The following GABRB1 variants were observed in gnomAD, a reference collection of about 807,000 sequenced individuals.
The protein encoded by GABRB1 is gamma-aminobutyric acid type A receptor subunit beta1, also known as gamma-aminobutyric acid receptor subunit beta-1.
A neutral mutation model predicts 51.6 loss-of-function variants in GABRB1; 17 were observed. The observed-to-expected ratio is 0.33, with a 90% confidence interval of 0.23 to 0.49. GABRB1 has a LOEUF of 0.49. GABRB1 is among the 20% of genes least tolerant of loss of function. GABRB1 has a pLI of 0.99. For synonymous variants in GABRB1, 247 were observed against 218.9 expected (o/e 1.13, Z -1.14); for missense variants, 410 against 600.6 (o/e 0.68, Z 3.32).
chr4:47,339,813 A>G (rs926324425), intron 5 of GABRB1, among the ~76,000 whole-genome samples: 4 of 136,046 alleles, frequency 2.9e-5, no homozygotes, highest in Non-Finnish European at 4.7e-5. Context: ...TAGAGCAAAA[A>G]TAAATAAATG....
rs118060990 is a variant in GABRB1, at chr4:47,395,298, G to A, written c.545-8020G>A. On this transcript the variant is annotated intron_variant, in intron 5 of 8. Coordinates refer to ENST00000295454, the MANE Select transcript of GABRB1 (RefSeq NM_000812.4). ...CTTACAATCATGGCAGAAGGTGAAG[G>A]GGTAGCAAGCATGTCTTACCATGGT... Among the ~76,000 whole-genome samples, 34 of 152,280 alleles carry A rather than the reference G, an allele frequency of 2.2e-4. No homozygotes were observed. The East Asian group carries it at 5.8e-3, about 26-fold the overall frequency.
intron 4 of GABRB1, among the ~76,000 whole-genome samples, chr4:47,164,079 C>A (rs1229884242): frequency 1.3e-5 from 2 of 151,918 alleles, no homozygotes; most frequent in African/African-American, 4.8e-5. Flanking sequence ...AAAAACAGGT[C>A]TCATGAGAAT....
chr4:47,208,926 T>C (rs1355744456), intron 4 of GABRB1, among the ~76,000 whole-genome samples: 1 of 152,126 alleles, frequency 6.6e-6, no homozygotes, highest in Non-Finnish European at 1.5e-5. Flanking sequence ...TAGCTTTTGG[T>C]ACTATCCGTG....
chr4:47,412,712 GCT>G (rs1468941703), intron 8 of GABRB1, among the ~76,000 whole-genome samples: 3 of 152,154 alleles, frequency 2.0e-5, no homozygotes, highest in Non-Finnish European at 4.4e-5. Context: ...AAAGAGAAAT[GCT>G]CTCTCCTGCA....
At position 47,406,971 on chromosome 4, in the gene GABRB1, A is replaced by G. The variant is rs780497165; in HGVS notation, c.1080+45A>G. The stretch of plus-strand genomic sequence containing the variant: ...TAACAATATTCTTGTTAAATTTATC[A>G]GCATCATGATGCCTCGGGCTCTCAT... On this transcript the variant is annotated intron_variant, in intron 8 of 8. Coordinates refer to ENST00000295454, the MANE Select transcript of GABRB1 (RefSeq NM_000812.4). 1.0e-5 allele frequency: 16 copies of G among 1,579,108 alleles called. No homozygotes were observed. The East Asian group carries it at 2.5e-4, about 24-fold the overall frequency.
chr4:47,294,025 C>A (rs983833465), intron 4 of GABRB1, among the ~76,000 whole-genome samples: 1 of 152,130 alleles, frequency 6.6e-6, no homozygotes, highest in Non-Finnish European at 1.5e-5. Context: ...AACCCCTCCA[C>A]AGCATAAAAA....
chr4:47,391,034 G>T (rs1341689311), intron 5 of GABRB1, among the ~76,000 whole-genome samples: 1 of 152,050 alleles, frequency 6.6e-6, no homozygotes, highest in Non-Finnish European at 1.5e-5. Context: ...AAATTAGCAG[G>T]GTGTGGTGGC....
intron 3 of GABRB1, among the ~76,000 whole-genome samples, chr4:47,116,996 G>A (rs1302609048): frequency 1.3e-5 from 2 of 152,042 alleles, no homozygotes; most frequent in Admixed American, 6.5e-5. Context: ...CAGCAAGCGG[G>A]GAAGTCCACC....
chr4:47,111,636 G>A (rs1715214337), intron 3 of GABRB1, among the ~76,000 whole-genome samples: 1 of 152,076 alleles, frequency 6.6e-6, no homozygotes, highest in Non-Finnish European at 1.5e-5. Flanking sequence ...GGCTGAGGCA[G>A]GCAGATCACT....
intron 4 of GABRB1, among the ~76,000 whole-genome samples, chr4:47,277,434 G>T (rs1723126428): frequency 6.6e-6 from 1 of 151,696 alleles, no homozygotes; most frequent in Admixed American, 6.6e-5. Context: ...GAATGAATAA[G>T]ACCTACTATT....
chr4:47,221,671 A>G (rs917286380), intron 4 of GABRB1, among the ~76,000 whole-genome samples: 2 of 151,974 alleles, frequency 1.3e-5, no homozygotes, highest in Admixed American at 1.3e-4. Flanking sequence ...TTGCTCTTAG[A>G]AAAAATGCAG....
At chr4:47,260,325 C>A (rs1188067281) in intron 4 of GABRB1, among the ~76,000 whole-genome samples, 4 of 152,110 alleles carry the variant, frequency 2.6e-5, no homozygotes, top group Non-Finnish European at 5.9e-5. Context: ...AGTCCATTTA[C>A]ATTTAAAGTT....
At chr4:47,011,450 A>G (rs1000359740) in intron 1 of GABRB1, among the ~76,000 whole-genome samples, 4 of 152,090 alleles carry the variant, frequency 2.6e-5, no homozygotes, top group African/African-American at 9.7e-5. Context: ...GGGGCCAAAA[A>G]CTAGGTGCAA....
At chr4:47,212,588 G>A (rs759063124) in intron 4 of GABRB1, among the ~76,000 whole-genome samples, 11 of 152,046 alleles carry the variant, frequency 7.2e-5, no homozygotes, top group South Asian at 4.1e-4. Context: ...CTAAGGCTTG[G>A]GAATTGCTTG....
rs1250047505 is a variant in GABRB1 at position 47,252,993 on chromosome 4, C to A, written c.462-67134C>A. On this transcript the variant is annotated intron_variant, in intron 4 of 8. Transcript: ENST00000295454. ...GACACTGTTCTAAGCACTTTATATA[C>A]ATTGACTATTGAATCCTCATAACAA... Among the ~76,000 whole-genome samples, 3 of 152,146 alleles carry A rather than the reference C, an allele frequency of 2.0e-5. No individual in the cohort carries two copies. In the East Asian group the frequency reaches 5.8e-4, roughly 29 times the overall value.
chr4:47,241,880 AT>A (rs1412500444), intron 4 of GABRB1, among the ~76,000 whole-genome samples: 3 of 151,580 alleles, frequency 2.0e-5, no homozygotes, highest in Non-Finnish European at 4.4e-5. Context: ...ATTTCTTTTT[AT>A]TTTTTATTTT....
chr4:47,210,367 T>C (rs1720306936), intron 4 of GABRB1, among the ~76,000 whole-genome samples: 1 of 152,168 alleles, frequency 6.6e-6, no homozygotes, highest in South Asian at 2.1e-4. Context: ...GAAATGTATT[T>C]ATAGAATGAT....
chr4:47,309,779 T>C (rs541667198), intron 4 of GABRB1, among the ~76,000 whole-genome samples: 2 of 152,282 alleles, frequency 1.3e-5, no homozygotes, highest in South Asian at 4.1e-4. Context: ...AATGTCATTA[T>C]GGGTCATTTT....
chr4:47,378,444 CCT>C (rs1333794706), intron 5 of GABRB1, among the ~76,000 whole-genome samples: 5 of 152,224 alleles, frequency 3.3e-5, no homozygotes, highest in Non-Finnish European at 5.9e-5. Flanking sequence ...TCCCTCCACA[CCT>C]CCCTGCAAGC....
Sources: allele counts gnomAD v4.1 joint callset (sites outside exome capture counted in the v4.1 genomes callset), GRCh38; gene constraint gnomAD v4.1.1; transcripts MANE v1.5; gene names NCBI Gene and HGNC (gene_info 2026-07-23, HGNC 2026-07-21).